The following CCDC77 variants were observed in gnomAD, a reference collection of about 807,000 sequenced individuals.
The protein encoded by CCDC77 is coiled-coil domain-containing protein 77.
A neutral mutation model predicts 66.8 loss-of-function variants in CCDC77; 56 were observed. That is an observed-to-expected ratio of 0.84 (90% CI 0.68 to 1.05). The LOEUF (loss-of-function observed/expected upper bound fraction) is 1.05, where lower values mean the gene tolerates loss of function less well. Ranked by LOEUF, CCDC77 falls within the 50% of genes least tolerant of loss-of-function variation. CCDC77 has a pLI of 0.00. For missense variants in CCDC77, 570 were observed against 576.8 expected, an observed-to-expected ratio of 0.99 and a Z score of 0.12; for synonymous variants, 196 against 195.2, an observed-to-expected ratio of 1.00 and a Z score of -0.03.
intron 1 of CCDC77, among the ~76,000 whole-genome samples, chr12:403,621 T>C (rs1446438390): frequency 6.6e-6 from 1 of 152,230 alleles, no homozygotes; most frequent in Admixed American, 6.5e-5. Flanking sequence ...GCCTCCTGAA[T>C]AGCTGGGACT....
chr12:425,962 T>G (rs1035047956), intron 5 of CCDC77, among the ~76,000 whole-genome samples: 8 of 152,182 alleles, frequency 5.3e-5, no homozygotes, highest in African/African-American at 1.9e-4. Context: ...CCTCCCAGAT[T>G]GAAGTGATTC....
At chr12:427,207 T>C (rs1297089501) in intron 5 of CCDC77, among the ~76,000 whole-genome samples, 1 of 151,554 alleles carries the variant, frequency 6.6e-6, no homozygotes, top group Non-Finnish European at 1.5e-5. Flanking sequence ...ATCATGCCAT[T>C]GCACTCCAGC....
rs556659698 is a variant in CCDC77, at chr12:436,929, TGA to T, written c.822-1399_822-1398del. ...ACAGAATAAAATAACTCATTGAAAG[TGA>T]GAGAGACCCTTGTGGTAATTGAATC... On this transcript the variant is annotated intron_variant, in intron 9 of 12. Transcript: ENST00000239830. 3.1e-3 allele frequency: 544 copies of T among 176,564 alleles called. 1 individual carries two copies. Among genetic ancestry groups the T allele is most frequent in the Non-Finnish European group, 4.0e-3 (362 of 90,294 alleles). The allele number at this position is 176,564 out of a possible 1,614,324, so 10.9% of individuals were successfully genotyped here.
chr12:394,630 G>A (rs140034726), intron 1 of CCDC77, among the ~76,000 whole-genome samples: 106 of 152,256 alleles, frequency 7.0e-4, no homozygotes, highest in African/African-American at 2.4e-3. Flanking sequence ...TTCAAGCATT[G>A]TTCTTGTTTG....
In CCDC77 at chr12:425,175, CCCT is replaced by C. The variant is rs982381446; in HGVS notation, c.414-3589_414-3587del. Among the ~76,000 whole-genome samples the C allele has an allele frequency of 3.2e-4, 49 of 151,812 alleles. 1 individual carries two copies. Among genetic ancestry groups the C allele is most frequent in the Admixed American group, 2.8e-3 (42 of 15,254 alleles). On this transcript the variant is annotated intron_variant, in intron 5 of 12. Coordinates refer to ENST00000239830, the MANE Select transcript of CCDC77 (RefSeq NM_032358.4). ...CGAAGTCCTGAGCTCAAGCAATCTG[CCCT>C]CCTCAGCCTCCCAAAGTGCTGGGAT...
At chr12:409,644 A>C in intron 3 of CCDC77, 1 of 536,116 alleles carries the variant, frequency 1.9e-6, no homozygotes, top group South Asian at 2.2e-5. Flanking sequence ...AGCCTCCCAG[A>C]GTGCTGTGAT....
chr12:418,110 G>A (rs1945321260), intron 4 of CCDC77, among the ~76,000 whole-genome samples: 1 of 152,136 alleles, frequency 6.6e-6, no homozygotes, highest in African/African-American at 2.4e-5. Flanking sequence ...CTTGAGGTCA[G>A]GAGTTTGAGA....
intron 6 of CCDC77, among the ~76,000 whole-genome samples, chr12:429,402 ATT>A (rs1196600193): frequency 6.7e-6 from 1 of 150,356 alleles, no homozygotes; most frequent in Non-Finnish European, 1.5e-5. Context: ...GTTCCTGAGC[ATT>A]TTTATACATA....
chr12:440,595 T>C, intron 10 of CCDC77, 22 bp from the exon 11 acceptor site: 1 of 1,612,824 alleles, frequency 6.2e-7, no homozygotes, highest in Non-Finnish European at 8.5e-7. Context: ...GTGTTAATGT[T>C]TTTTGTCCCT....
chr12:434,353 C>CTTT (rs537288173), intron 9 of CCDC77, among the ~76,000 whole-genome samples: 43 of 137,274 alleles, frequency 3.1e-4, no homozygotes, highest in Admixed American at 1.7e-3. Context: ...ACTTTTCTTT[C>CTTT]TTTTTTTTTT....
rs200407834 is a variant in CCDC77, at chr12:408,236, C to G, written c.-16-1132C>G. Reference sequence around the variant, plus strand: ...TAAAAAAATCAGCCTCTCTCCCTCTCTCCTTCTGTCTCTGTCAATCATATA... The same window carrying G: ...TAAAAAAATCAGCCTCTCTCCCTCTGTCCTTCTGTCTCTGTCAATCATATA... On this transcript the variant is annotated intron_variant, in intron 2 of 12. Coordinates refer to ENST00000239830, the MANE Select transcript of CCDC77 (RefSeq NM_032358.4). Among the ~76,000 whole-genome samples the G allele has an allele frequency of 5.3e-5, 8 of 152,312 alleles. No homozygotes were observed. In the East Asian group the frequency reaches 1.5e-3, roughly 29 times the overall value.
chr12:418,681 A>ACATT (rs113437345), intron 5 of CCDC77, 45 bp downstream of exon 5: 34,758 of 1,544,050 alleles, frequency 0.023, 985 homozygotes, highest in African/African-American at 0.13. Flanking sequence ...ACTTTAAATT[A>ACATT]CATTCATTCA....
intron 10 of CCDC77, among the ~76,000 whole-genome samples, chr12:439,380 C>T (rs1035021799): frequency 4.0e-5 from 6 of 151,646 alleles, no homozygotes; most frequent in African/African-American, 7.3e-5. Flanking sequence ...ATTGGTGGGG[C>T]GTGGTGGTGG....
At chr12:397,547 C>T (rs890932695), upstream of CCDC77, among the ~76,000 whole-genome samples, 4 of 152,056 alleles carry the variant, frequency 2.6e-5, no homozygotes, top group African/African-American at 9.7e-5. Context: ...TTTCGGTTTC[C>T]TGGTACATAA....
rs1333099283 is a variant in CCDC77, at chr12:433,317, C to T, written c.816C>T (p.Thr272=). ...QRNQNKIKEL[T]KNLHHTQELL... ...ATCAGAACAAAATCAAAGAGCTAAC[C>T]AAAAAGTGAGTGTCTAAGAAAGCTG... The change falls in exon 9 of 13, where the codon ACC becomes ACT. Residue 272 remains threonine (T), a synonymous_variant. Coordinates refer to ENST00000239830, the MANE Select transcript of CCDC77 (RefSeq NM_032358.4). 1.2e-6 allele frequency: 2 copies of T among 1,611,506 alleles called. No individual in the cohort carries two copies. The highest frequency in any genetic ancestry group is 8.5e-7 in the Non-Finnish European group (1 of 1,179,294).
intron 1 of CCDC77, among the ~76,000 whole-genome samples, chr12:390,927 G>A (rs564074684): frequency 1.3e-5 from 2 of 152,264 alleles, no homozygotes; most frequent in Admixed American, 6.5e-5. Context: ...TCCACTGCAT[G>A]GTGGTCTTAG....
intron 4 of CCDC77, among the ~76,000 whole-genome samples, chr12:415,058 C>T (rs1279031161): frequency 6.6e-6 from 1 of 151,956 alleles, no homozygotes; most frequent in African/African-American, 2.4e-5. Context: ...TCCATTTGGG[C>T]TCCTGGATAG....
Position 422,045 on chromosome 12 carries a change from T to TA in CCDC77, c.413+3412dup, listed in dbSNP as rs559185654. On this transcript the variant is annotated intron_variant, in intron 5 of 12. Transcript: ENST00000239830. Reference sequence around the variant, plus strand: ...TGTGTGTGTGCTGGGAGTGAGAGGGTAAACACACATAGCAGCACCCTCCAT... The same window carrying TA: ...TGTGTGTGTGCTGGGAGTGAGAGGGTAAAACACACATAGCAGCACCCTCCAT... Among the ~76,000 whole-genome samples, 15 of 25,448 alleles carry TA rather than the reference T, an allele frequency of 5.9e-4. 1 individual carries two copies. Among genetic ancestry groups the TA allele is most frequent in the East Asian group, 2.0e-3 (1 of 500 alleles). 16.7% of individuals were successfully genotyped at this position (25,448 alleles called of 152,430 possible).
intron 12 of CCDC77, 80 bp from the exon 13 acceptor site, chr12:441,694 G>C: frequency 6.9e-7 from 1 of 1,459,644 alleles, no homozygotes; most frequent in Non-Finnish European, 9.3e-7. Flanking sequence ...AGCTAGCATA[G>C]CTGTGTCTTT....
Sources: gnomAD v4.1 joint callset for allele counts (sites outside exome capture counted in the v4.1 genomes callset) on GRCh38, gnomAD v4.1.1 for gene constraint, MANE v1.5 for transcripts, NCBI Gene and HGNC (gene_info 2026-07-23, HGNC 2026-07-21) for gene names.